Variants in OPCML observed in about 807,000 individuals in gnomAD.
OPCML encodes the protein opioid-binding protein/cell adhesion molecule.
Under a neutral mutation model 37.8 loss-of-function variants are expected in OPCML, and 13 were observed. The observed-to-expected ratio is 0.34, with a 90% CI of 0.22 to 0.55. OPCML has a LOEUF of 0.55. Among genes scored for constraint, OPCML ranks in the 20% least tolerant of loss-of-function variants. The pLI is 0.91. For synonymous variants in OPCML, 176 were observed against 168.8 expected (o/e 1.04, Z -0.33); for missense variants, 341 against 435.6 (o/e 0.78, Z 1.93).
At chr11:133,504,094 C>A (rs2120564437) in intron 1 of OPCML, among the ~76,000 whole-genome samples, 1 of 152,262 alleles carries the variant, frequency 6.6e-6, no homozygotes, top group East Asian at 1.9e-4. Context: ...CTTGCTGTAT[C>A]CTCCACCATC....
intron 2 of OPCML, among the ~76,000 whole-genome samples, chr11:132,819,017 A>C (rs1241398875): frequency 6.6e-6 from 1 of 151,650 alleles, no homozygotes; most frequent in African/African-American, 2.4e-5. Flanking sequence ...AAGTCGAAAA[A>C]AAAAAAAAAG....
At chr11:133,214,935 C>T (rs1939521289) in intron 1 of OPCML, among the ~76,000 whole-genome samples, 3 of 152,060 alleles carry the variant, frequency 2.0e-5, no homozygotes, top group Admixed American at 2.0e-4. Flanking sequence ...CGTTGGGCAC[C>T]CAGAGCATAT....
At chr11:132,854,407 G>A (rs2136337989) in intron 2 of OPCML, among the ~76,000 whole-genome samples, 1 of 152,276 alleles carries the variant, frequency 6.6e-6, no homozygotes, top group South Asian at 2.1e-4. Flanking sequence ...TTGACCATTG[G>A]TGATCAAATC....
chr11:133,178,082 G>C (rs965441299), intron 1 of OPCML, among the ~76,000 whole-genome samples: 2 of 152,166 alleles, frequency 1.3e-5, no homozygotes, highest in African/African-American at 4.8e-5. Flanking sequence ...TAGATGAGCA[G>C]ATTCATGAGT....
At chr11:132,662,302 C>T (rs1420386694) in intron 2 of OPCML, among the ~76,000 whole-genome samples, 1 of 150,528 alleles carries the variant, frequency 6.6e-6, no homozygotes. Context: ...AGAAATGAGG[C>T]AAGTGACAGG....
intron 1 of OPCML, among the ~76,000 whole-genome samples, chr11:133,457,047 C>T (rs1946685246): frequency 1.3e-5 from 2 of 152,012 alleles, no homozygotes; most frequent in Admixed American, 1.3e-4. Context: ...CCAAAGAGAC[C>T]AACCCCAAGA....
rs1947164292 is a variant in OPCML, at chr11:133,008,980, G to C, written c.62-65970C>G. On this transcript the variant is annotated intron_variant, in intron 1 of 7. Transcript: ENST00000524381. ...CTACATTACTGAGGAGATTAGCATG[G>C]ACATGGACTGACATGGATTAATCTC... The C allele has an allele frequency of 6.1e-6, 6 of 985,262 alleles. No homozygotes were observed. In the South Asian group the frequency reaches 2.8e-4, roughly 46 times the overall value. The allele number at this position is 985,262 out of a possible 1,614,324, so 61.0% of individuals were successfully genotyped here.
At chr11:132,577,984 AG>A (rs1051822923) in intron 3 of OPCML, among the ~76,000 whole-genome samples, 1 of 152,198 alleles carries the variant, frequency 6.6e-6, no homozygotes, top group African/African-American at 2.4e-5. Context: ...AGAGCCCAAC[AG>A]GTTACTATAT....
intron 3 of OPCML, among the ~76,000 whole-genome samples, chr11:132,539,772 A>G (rs1170351206): frequency 6.6e-6 from 1 of 152,064 alleles, no homozygotes; most frequent in Non-Finnish European, 1.5e-5. Context: ...GATGATAACG[A>G]CAGTGATGAC....
At chr11:132,688,010 A>T (rs1219963157) in intron 2 of OPCML, among the ~76,000 whole-genome samples, 1 of 152,184 alleles carries the variant, frequency 6.6e-6, no homozygotes, top group African/African-American at 2.4e-5. Context: ...AAGGCACTTA[A>T]TCATTCTGGA....
At chr11:132,517,497 G>T (rs572576863) in intron 4 of OPCML, among the ~76,000 whole-genome samples, 1 of 152,168 alleles carries the variant, frequency 6.6e-6, no homozygotes, top group South Asian at 2.1e-4. Flanking sequence ...CAGTATGTTA[G>T]TATGGAACCA....
intron 3 of OPCML, among the ~76,000 whole-genome samples, chr11:132,570,172 C>T (rs1323663624): frequency 6.6e-6 from 1 of 152,164 alleles, no homozygotes; most frequent in Non-Finnish European, 1.5e-5. Context: ...CTTTGCTTTA[C>T]TAAATAAAGT....
At chr11:133,107,879 G>C (rs1279919966) in intron 1 of OPCML, among the ~76,000 whole-genome samples, 1 of 152,102 alleles carries the variant, frequency 6.6e-6, no homozygotes, top group African/African-American at 2.4e-5. Flanking sequence ...CAACGTACTC[G>C]AGACAGAGGG....
intron 1 of OPCML, chr11:133,004,601 C>T: frequency 2.0e-6 from 2 of 985,486 alleles, no homozygotes; most frequent in Non-Finnish European, 2.4e-6. Context: ...TGCGAAGGGT[C>T]TGCTCCTCTG....
chr11:133,188,949 C>G (rs11602576), intron 1 of OPCML, among the ~76,000 whole-genome samples: 1 of 152,230 alleles, frequency 6.6e-6, no homozygotes, highest in Admixed American at 6.5e-5. Context: ...GATATCACCA[C>G]TTATATTTTC....
intron 1 of OPCML, among the ~76,000 whole-genome samples, chr11:133,331,252 T>C (rs1485538563): frequency 6.6e-6 from 1 of 152,152 alleles, no homozygotes; most frequent in African/African-American, 2.4e-5. Context: ...AGCTGGTAAG[T>C]TGCAAAAGGA....
intron 3 of OPCML, among the ~76,000 whole-genome samples, chr11:132,569,582 C>T (rs1301987820): frequency 6.6e-6 from 1 of 151,974 alleles, no homozygotes; most frequent in Non-Finnish European, 1.5e-5. Context: ...CTTCAATCTT[C>T]ATAATGTGGC....
chr11:133,294,656 T>C (rs1357454222), intron 1 of OPCML, among the ~76,000 whole-genome samples: 1 of 152,054 alleles, frequency 6.6e-6, no homozygotes, highest in African/African-American at 2.4e-5. Context: ...GCTAATATAA[T>C]GTGCTATGGC....
At chr11:133,042,509 T>A (rs1288464070) in intron 1 of OPCML, among the ~76,000 whole-genome samples, 1 of 152,146 alleles carries the variant, frequency 6.6e-6, no homozygotes, top group African/African-American at 2.4e-5. Context: ...GTGCTGGTGT[T>A]GTATCCACAG....
Sources: allele counts gnomAD v4.1 joint callset (sites outside exome capture counted in the v4.1 genomes callset), GRCh38; gene constraint gnomAD v4.1.1; transcripts MANE v1.5; gene names NCBI Gene and HGNC (gene_info 2026-07-23, HGNC 2026-07-21).